Variants in DLGAP1 observed in about 807,000 individuals in gnomAD.
The protein encoded by DLGAP1 is DLG associated protein 1, also known as disks large-associated protein 1.
DLGAP1 carries 11 observed loss-of-function variants against 90.8 expected under a neutral mutation model. That is an observed-to-expected ratio of 0.12 (90% confidence interval 0.08 to 0.20). The LOEUF (loss-of-function observed/expected upper bound fraction) is 0.20, where lower values mean the gene tolerates loss of function less well. Among genes scored for constraint, DLGAP1 ranks in the 10% least tolerant of loss-of-function variants. DLGAP1 has a pLI of 1.00. For missense variants in DLGAP1, 1,050 were observed against 1,333.8 expected, an observed-to-expected ratio of 0.79 and a Z score of 3.31; for synonymous variants, 558 against 540.7, an observed-to-expected ratio of 1.03 and a Z score of -0.44.
chr18:3,892,740 T>C (rs548864925), intron 3 of DLGAP1, among the ~76,000 whole-genome samples: 2 of 151,690 alleles, frequency 1.3e-5, no homozygotes, highest in Admixed American at 6.6e-5. Flanking sequence ...AGTTAAGGAG[T>C]GTGAAAACAT....
Position 3,880,134 on chromosome 18 carries a change from C to A in DLGAP1, c.-66G>T, listed in dbSNP as rs2071116715. On this transcript the variant is annotated 5_prime_UTR_variant, in exon 4 of 13. Transcript: ENST00000315677. ...AGTCAGGCTCCAGACCCGTCTTGGG[C>A]AGGGATCTGGGGGAATGAAGAAAAG... 7.4e-6 allele frequency: 11 copies of A among 1,478,680 alleles called. No homozygotes were observed. The highest frequency in any genetic ancestry group is 1.0e-5 in the Non-Finnish European group (11 of 1,076,452). 91.6% of individuals were successfully genotyped at this position (1,478,680 alleles called of 1,614,324 possible).
At chr18:4,249,655 A>G (rs1284329741) in intron 1 of DLGAP1, among the ~76,000 whole-genome samples, 1 of 152,148 alleles carries the variant, frequency 6.6e-6, no homozygotes, top group East Asian at 1.9e-4. Flanking sequence ...TGGTGCAATC[A>G]TAGCTCACTG....
chr18:4,291,589 TACAC>T (rs748702609), intron 1 of DLGAP1, among the ~76,000 whole-genome samples: 1 of 152,170 alleles, frequency 6.6e-6, no homozygotes, highest in Non-Finnish European at 1.5e-5. Flanking sequence ...ATTTTATACA[TACAC>T]ACATATATTT....
intron 5 of DLGAP1, among the ~76,000 whole-genome samples, chr18:3,789,200 T>C (rs2065604123): frequency 6.6e-6 from 1 of 152,216 alleles, no homozygotes; most frequent in Non-Finnish European, 1.5e-5. Context: ...TGAGGGCCTT[T>C]CGGATAATTT....
At chr18:3,693,893 A>G (rs1111409) in intron 7 of DLGAP1, among the ~76,000 whole-genome samples, 135 of 151,098 alleles carry the variant, frequency 8.9e-4, no homozygotes, top group African/African-American at 3.3e-3. Flanking sequence ...ATTTTTTTTT[A>G]TTATAGTTTT....
chr18:4,134,465 AAAT>A (rs1364305663), intron 2 of DLGAP1, among the ~76,000 whole-genome samples: 6 of 152,186 alleles, frequency 3.9e-5, no homozygotes, highest in African/African-American at 7.2e-5. Flanking sequence ...TTTGAGTGAA[AAAT>A]AATGATAATA....
rs538905618 is a variant in DLGAP1, at chr18:4,090,988, A to G, written c.-159+60192T>C. Among the ~76,000 whole-genome samples the G allele has an allele frequency of 5.1e-4, 77 of 152,324 alleles. 1 individual carries two copies. Among genetic ancestry groups the G allele is most frequent in the African/African-American group, 1.8e-3 (73 of 41,572 alleles). On this transcript the variant is annotated intron_variant, in intron 2 of 12. Coordinates refer to ENST00000315677, the MANE Select transcript of DLGAP1 (RefSeq NM_004746.4). Reference sequence around the variant, plus strand: ...GTCCTTATCCTCAGCAAACTAACACAAGAACAGAAAAGCAAACACTGCGTG... The same window carrying G: ...GTCCTTATCCTCAGCAAACTAACACGAGAACAGAAAAGCAAACACTGCGTG...
At chr18:4,274,810 A>G (rs541098423) in intron 1 of DLGAP1, among the ~76,000 whole-genome samples, 1 of 152,232 alleles carries the variant, frequency 6.6e-6, no homozygotes, top group Non-Finnish European at 1.5e-5. Flanking sequence ...ACACTAAACC[A>G]TTTAAATAAC....
intron 1 of DLGAP1, among the ~76,000 whole-genome samples, chr18:4,348,125 G>C (rs1042145101): frequency 6.6e-6 from 1 of 152,088 alleles, no homozygotes; most frequent in Non-Finnish European, 1.5e-5. Flanking sequence ...CAAAGACAAG[G>C]AAAAGTATCC....
chr18:3,968,880 A>G (rs2073386507), intron 3 of DLGAP1, among the ~76,000 whole-genome samples: 1 of 152,182 alleles, frequency 6.6e-6, no homozygotes, highest in Non-Finnish European at 1.5e-5. Context: ...CAACAAGAAG[A>G]GAAATATAAT....
intron 7 of DLGAP1, among the ~76,000 whole-genome samples, chr18:3,694,935 TTTTG>T (rs1470456060): frequency 1.5e-5 from 2 of 136,552 alleles, no homozygotes; most frequent in Admixed American, 7.6e-5. Flanking sequence ...TTGGTGTTTT[TTTTG>T]TTTTTTTTTT....
intron 1 of DLGAP1, among the ~76,000 whole-genome samples, chr18:4,258,510 C>T (rs561546388): frequency 3.2e-4 from 49 of 151,824 alleles, no homozygotes; most frequent in Non-Finnish European, 5.0e-4. Context: ...CTTTTACATA[C>T]GTGCTTATGT....
chr18:4,222,246 G>C (rs1478392830), intron 1 of DLGAP1, among the ~76,000 whole-genome samples: 1 of 152,066 alleles, frequency 6.6e-6, no homozygotes, highest in Non-Finnish European at 1.5e-5. Flanking sequence ...GCCTTAAAGT[G>C]ATATTCAATA....
chr18:4,104,683 A>C (rs539193072), intron 2 of DLGAP1, among the ~76,000 whole-genome samples: 1 of 152,254 alleles, frequency 6.6e-6, no homozygotes, highest in Non-Finnish European at 1.5e-5. Context: ...TTGAATGCAG[A>C]TTACGTATAG....
intron 1 of DLGAP1, among the ~76,000 whole-genome samples, chr18:4,253,805 T>C (rs984860823): frequency 6.6e-6 from 1 of 152,180 alleles, no homozygotes; most frequent in Admixed American, 6.5e-5. Flanking sequence ...CATAAATACT[T>C]ACCCAATCCC....
intron 3 of DLGAP1, among the ~76,000 whole-genome samples, chr18:3,913,789 T>C (rs1723800992): frequency 6.6e-6 from 1 of 152,204 alleles, no homozygotes; most frequent in African/African-American, 2.4e-5. Context: ...TACTACGGCA[T>C]GTCTTGCTAG....
intron 1 of DLGAP1, among the ~76,000 whole-genome samples, chr18:4,435,488 G>A (rs2083380081): frequency 6.6e-6 from 1 of 152,154 alleles, no homozygotes; most frequent in Non-Finnish European, 1.5e-5. Flanking sequence ...AAACAATATA[G>A]AAGGGGGAAG....
At chr18:3,877,363 C>T (rs2071030444) in intron 4 of DLGAP1, among the ~76,000 whole-genome samples, 1 of 152,192 alleles carries the variant, frequency 6.6e-6, no homozygotes, top group Non-Finnish European at 1.5e-5. Context: ...CTAACAAAGG[C>T]TTATGCTAGA....
At chr18:4,200,355 C>T (rs1384752287) in intron 1 of DLGAP1, among the ~76,000 whole-genome samples, 1 of 151,674 alleles carries the variant, frequency 6.6e-6, no homozygotes, top group South Asian at 2.1e-4. Context: ...TTTTTATATA[C>T]TTTTGCCACC....
Sources: gnomAD v4.1 joint callset for allele counts (sites outside exome capture counted in the v4.1 genomes callset) on GRCh38, gnomAD v4.1.1 for gene constraint, MANE v1.5 for transcripts, NCBI Gene and HGNC (gene_info 2026-07-23, HGNC 2026-07-21) for gene names.